Variants in PTPN14 observed in about 807,000 individuals in gnomAD.
The protein encoded by PTPN14 is tyrosine-protein phosphatase non-receptor type 14.
PTPN14 carries 53 observed loss-of-function variants against 126.8 expected under a neutral mutation model. The observed-to-expected ratio is 0.42, with a 90% CI of 0.34 to 0.53. The LOEUF (loss-of-function observed/expected upper bound fraction) is 0.53. Among genes scored for constraint, PTPN14 ranks in the 20% least tolerant of loss-of-function variants. The probability of loss-of-function intolerance (pLI) is 0.08; values close to 1 mark genes in which losing one functional copy is unlikely to be tolerated. For missense variants in PTPN14, 1,257 were observed against 1,552.9 expected (o/e 0.81, Z 3.20); for synonymous variants, 630 against 599.3 (o/e 1.05, Z -0.75).
chr1:214,420,742 G>C (rs962630930), intron 3 of PTPN14, among the ~76,000 whole-genome samples: 1 of 152,208 alleles, frequency 6.6e-6, no homozygotes, highest in Non-Finnish European at 1.5e-5. Flanking sequence ...AGAATGTCCT[G>C]ACACCACTTC....
At chr1:214,417,946 C>G (rs925369356) in intron 3 of PTPN14, among the ~76,000 whole-genome samples, 1 of 152,176 alleles carries the variant, frequency 6.6e-6, no homozygotes, top group African/African-American at 2.4e-5. Flanking sequence ...CCCTAGGATG[C>G]AACATGCTCA....
intron 1 of PTPN14, among the ~76,000 whole-genome samples, chr1:214,466,214 G>A (rs1660633925): frequency 6.6e-6 from 1 of 150,876 alleles, no homozygotes; most frequent in Non-Finnish European, 1.5e-5. Context: ...CACCCGCCTT[G>A]GCCTCCCAAA....
intron 5 of PTPN14, 66 bp downstream of exon 5, chr1:214,411,617 TC>T: frequency 8.1e-7 from 1 of 1,240,232 alleles, no homozygotes; most frequent in Admixed American, 2.5e-5. Flanking sequence ...CCTGAAATTT[TC>T]AAAGGAAAGA....
chr1:214,545,722 A>G (rs1233865565), intron 1 of PTPN14, among the ~76,000 whole-genome samples: 4 of 152,226 alleles, frequency 2.6e-5, no homozygotes, highest in Non-Finnish European at 4.4e-5. Context: ...CAGGTTGAAG[A>G]AAACTCCAAA....
chr1:214,509,736 C>T (rs1030467755), intron 1 of PTPN14, among the ~76,000 whole-genome samples: 2 of 152,160 alleles, frequency 1.3e-5, no homozygotes, highest in African/African-American at 2.4e-5. Flanking sequence ...TTGGAACCAA[C>T]CCAAATGTCC....
chr1:214,479,506 A>T (rs752052333), intron 1 of PTPN14, among the ~76,000 whole-genome samples: 1 of 151,978 alleles, frequency 6.6e-6, no homozygotes, highest in Admixed American at 6.6e-5. Context: ...AGCCCGGCTA[A>T]TTTTTGTATT....
In PTPN14 at chr1:214,356,588, G is replaced by C. The variant is rs970559055; in HGVS notation, c.*1334C>G. The C allele has an allele frequency of 6.6e-6, 1 of 152,222 alleles. No homozygotes were observed. Among genetic ancestry groups the C allele is most frequent in the Admixed American group, 6.5e-5 (1 of 15,286 alleles). 9.4% of individuals were successfully genotyped at this position (152,222 alleles called of 1,614,324 possible). ...GCCATAGGAAGAAACTAAGAACTGGGCTTCAAAGTGAAGATAACTGACCAG... is the reference window on the plus strand; with the variant it reads ...GCCATAGGAAGAAACTAAGAACTGGCCTTCAAAGTGAAGATAACTGACCAG... On this transcript the variant is annotated 3_prime_UTR_variant, in exon 19 of 19. Coordinates refer to ENST00000366956, the MANE Select transcript of PTPN14 (RefSeq NM_005401.5).
At chr1:214,428,187 G>A (rs1414796666) in intron 3 of PTPN14, among the ~76,000 whole-genome samples, 1 of 152,154 alleles carries the variant, frequency 6.6e-6, no homozygotes, top group Non-Finnish European at 1.5e-5. Flanking sequence ...GGATTAGAGA[G>A]GTTACAGTGG....
intron 10 of PTPN14, 25 bp downstream of exon 10, chr1:214,393,670 C>CG: frequency 2.6e-6 from 4 of 1,516,714 alleles, no homozygotes; most frequent in East Asian, 2.3e-5. Flanking sequence ...GCCATCAAGT[C>CG]GGGGGGGATT....
At chr1:214,534,610 G>A (rs1655652900) in intron 1 of PTPN14, among the ~76,000 whole-genome samples, 1 of 152,062 alleles carries the variant, frequency 6.6e-6, no homozygotes, top group African/African-American at 2.4e-5. Flanking sequence ...CTACTTGGGT[G>A]GCTGAGGCAG....
intron 1 of PTPN14, among the ~76,000 whole-genome samples, chr1:214,467,504 A>G (rs79697710): frequency 0.018 from 2,724 of 152,330 alleles, 87 homozygotes; most frequent in African/African-American, 0.062. Flanking sequence ...TTTGCAATGC[A>G]TAACTAGTGA....
chr1:214,392,890 A>G (rs894673022), intron 10 of PTPN14, among the ~76,000 whole-genome samples: 1 of 152,162 alleles, frequency 6.6e-6, no homozygotes, highest in Non-Finnish European at 1.5e-5. Context: ...AATACTCTAC[A>G]TACTCTCGGA....
chr1:214,389,178 AG>A (rs1207856891), intron 11 of PTPN14, among the ~76,000 whole-genome samples: 5 of 152,200 alleles, frequency 3.3e-5, no homozygotes, highest in Admixed American at 3.3e-4. Context: ...GATTTGTACA[AG>A]GGAATAGAAA....
chr1:214,437,710 G>A lies in PTPN14; in HGVS notation c.344+14095C>T, dbSNP rs143542875. On this transcript the variant is annotated intron_variant, in intron 3 of 18. Coordinates refer to ENST00000366956, the MANE Select transcript of PTPN14 (RefSeq NM_005401.5). ...CAATTTTTCTACTAAATAAGACCAC[G>A]CCATCTATTCTCTAAATTCCTCAGC... 3.3e-3 allele frequency among the ~76,000 whole-genome samples: 496 copies of A among 152,186 alleles called. 1 individual carries two copies. The highest frequency in any genetic ancestry group is 5.1e-3 in the Non-Finnish European group (349 of 68,002).
At chr1:214,419,138 A>G (rs1051436263) in intron 3 of PTPN14, among the ~76,000 whole-genome samples, 20 of 152,242 alleles carry the variant, frequency 1.3e-4, no homozygotes, top group African/African-American at 4.8e-4. Context: ...TTAATAGCAC[A>G]TATCAACTAT....
chr1:214,418,116 C>T (rs1659465835), intron 3 of PTPN14, among the ~76,000 whole-genome samples: 1 of 152,186 alleles, frequency 6.6e-6, no homozygotes, highest in African/African-American at 2.4e-5. Context: ...GTGATTGTTG[C>T]TCCCAAGCAA....
At chr1:214,389,658 C>G (rs1658705541) in intron 11 of PTPN14, among the ~76,000 whole-genome samples, 1 of 152,150 alleles carries the variant, frequency 6.6e-6, no homozygotes, top group Non-Finnish European at 1.5e-5. Flanking sequence ...ATAGGTAAGC[C>G]TCTGCATCCT....
intron 1 of PTPN14, among the ~76,000 whole-genome samples, chr1:214,525,389 T>C (rs1005268446): frequency 6.6e-6 from 1 of 152,210 alleles, no homozygotes; most frequent in African/African-American, 2.4e-5. Context: ...TAAAAACAAG[T>C]ATACTGCATA....
Position 214,350,372 on chromosome 1 carries a change from A to G in PTPN14, c.*7550T>C, listed in dbSNP as rs1657679432. On this transcript the variant is annotated 3_prime_UTR_variant, in exon 19 of 19. Transcript: ENST00000366956. The stretch of plus-strand genomic sequence containing the variant: ...TCTATATAAGTTCACCTCGAAATAC[A>G]TATTAAGTACTGCTGTCATCATTGT... 6.6e-6 allele frequency: 1 copy of G among 152,144 alleles called. No individual in the cohort carries two copies. Among genetic ancestry groups the G allele is most frequent in the Non-Finnish European group, 1.5e-5 (1 of 68,034 alleles). The allele number at this position is 152,144 out of a possible 1,614,324, so 9.4% of individuals were successfully genotyped here.
Sources: gnomAD v4.1 joint callset for allele counts (sites outside exome capture counted in the v4.1 genomes callset) on GRCh38, gnomAD v4.1.1 for gene constraint, MANE v1.5 for transcripts, NCBI Gene and HGNC (gene_info 2026-07-23, HGNC 2026-07-21) for gene names.